Variants in TNRC6C observed in about 807,000 individuals in gnomAD.
The protein encoded by TNRC6C is trinucleotide repeat-containing gene 6C protein.
A neutral mutation model predicts 153.7 loss-of-function variants in TNRC6C; 20 were observed. The ratio of observed to expected loss-of-function variants is 0.13; its 90% confidence interval spans 0.09 to 0.19. TNRC6C has a LOEUF of 0.19. TNRC6C is among the 10% of genes least tolerant of loss of function. TNRC6C has a pLI of 1.00. For synonymous variants in TNRC6C, 811 were observed against 841.4 expected, an observed-to-expected ratio of 0.96 and a Z score of 0.63; for missense variants, 1,987 against 2,172.0, an observed-to-expected ratio of 0.91 and a Z score of 1.69.
intron 1 of TNRC6C, among the ~76,000 whole-genome samples, chr17:77,959,501 A>G (rs375858170): frequency 2.0e-5 from 3 of 152,118 alleles, no homozygotes; most frequent in South Asian, 2.1e-4. Context: ...GTGCATCACA[A>G]TCAAACGGGA....
rs2070947085 is a variant in TNRC6C, at chr17:77,972,480, C to G, written c.-38+13212C>G. 2.0e-5 allele frequency among the ~76,000 whole-genome samples: 3 copies of G among 151,058 alleles called. No individual in the cohort carries two copies. In the South Asian group the frequency reaches 6.3e-4, roughly 32 times the overall value. On this transcript the variant is annotated intron_variant, in intron 1 of 22. Transcript: ENST00000636222. ...TGAGCCCAGATGGCGCCACTGCACT[C>G]CAGCCTGGAAGACAGAGCAAGACTC...
intron 1 of TNRC6C, among the ~76,000 whole-genome samples, chr17:78,023,800 C>T (rs1251334593): frequency 1.3e-5 from 2 of 149,410 alleles, no homozygotes; most frequent in East Asian, 2.0e-4. Flanking sequence ...AAGTGAGACC[C>T]TGTCTCAAAA....
At chr17:78,057,196 A>G (rs1402715173) in intron 3 of TNRC6C, among the ~76,000 whole-genome samples, 1 of 152,190 alleles carries the variant, frequency 6.6e-6, no homozygotes, top group East Asian at 1.9e-4. Flanking sequence ...TTTTTCATTT[A>G]TAACATTAAT....
intron 1 of TNRC6C, among the ~76,000 whole-genome samples, chr17:77,974,040 AG>A (rs1255593362): frequency 1.1e-5 from 1 of 89,266 alleles, no homozygotes; most frequent in Non-Finnish European, 2.0e-5. Context: ...ACCTGGAGAG[AG>A]GGAGGGAGGG....
intron 1 of TNRC6C, among the ~76,000 whole-genome samples, chr17:78,021,904 A>G (rs993284152): frequency 2.0e-5 from 3 of 152,234 alleles, no homozygotes; most frequent in Admixed American, 6.5e-5. Flanking sequence ...AAATAAAACA[A>G]TACCTACATA....
intron 4 of TNRC6C, among the ~76,000 whole-genome samples, chr17:78,065,174 C>T (rs779630162): frequency 1.3e-5 from 2 of 151,918 alleles, no homozygotes; most frequent in Non-Finnish European, 2.9e-5. Flanking sequence ...CATAGTGAGA[C>T]CTTGTCACTA....
intron 3 of TNRC6C, among the ~76,000 whole-genome samples, chr17:78,054,038 A>G (rs1239880758): frequency 6.6e-6 from 1 of 152,224 alleles, no homozygotes; most frequent in Non-Finnish European, 1.5e-5. Flanking sequence ...CACCTAGGCT[A>G]TACGGTACAG....
At position 78,075,404 on chromosome 17, in the gene TNRC6C, A is replaced by AT. The variant is rs201778814; in HGVS notation, c.3060+133dup. ...TATAATACTTAAGTGACTTTTATCCATTTTTTTCTAACATTATGAACATTT... is the reference window on the plus strand; with the variant it reads ...TATAATACTTAAGTGACTTTTATCCATTTTTTTTCTAACATTATGAACATTT... On this transcript the variant is annotated intron_variant, in intron 8 of 19. Coordinates refer to ENST00000301624, the Ensembl canonical transcript of TNRC6C. The surrounding 1 kb of genome is among the most constrained non-coding windows in gnomAD (Gnocchi z 4.2). 1.3e-3 allele frequency: 1,443 copies of AT among 1,135,218 alleles called. 13 individuals carry two copies. In the African/African-American group the frequency reaches 0.021, roughly 16 times the overall value. The allele number at this position is 1,135,218 out of a possible 1,614,324, so 70.3% of individuals were successfully genotyped here.
At chr17:78,047,251 T>A (rs1449473882) in intron 2 of TNRC6C, among the ~76,000 whole-genome samples, 2 of 152,232 alleles carry the variant, frequency 1.3e-5, no homozygotes, top group African/African-American at 2.4e-5. Context: ...AGTTAGTTAT[T>A]ATATTAGATA....
chr17:77,985,811 A>G (rs2071158444), intron 1 of TNRC6C, among the ~76,000 whole-genome samples: 2 of 152,168 alleles, frequency 1.3e-5, no homozygotes, highest in African/African-American at 4.8e-5. Flanking sequence ...TGTTTGATTA[A>G]CTAGGGGAAG....
chr17:77,965,038 A>G (rs1262139121), intron 1 of TNRC6C, among the ~76,000 whole-genome samples: 2 of 152,212 alleles, frequency 1.3e-5, no homozygotes, highest in Non-Finnish European at 2.9e-5. Flanking sequence ...ATCTCCATTT[A>G]AAACTAATCT....
chr17:77,992,862 G>C (rs2071272845), intron 1 of TNRC6C, among the ~76,000 whole-genome samples: 1 of 152,170 alleles, frequency 6.6e-6, no homozygotes. Context: ...GAATCAAATA[G>C]TAAAATAACG....
At chr17:77,967,416 G>A (rs1204258121) in intron 1 of TNRC6C, among the ~76,000 whole-genome samples, 2 of 152,094 alleles carry the variant, frequency 1.3e-5, no homozygotes, top group African/African-American at 2.4e-5. Flanking sequence ...GGGGAGAGAA[G>A]ATTGATAATT....
At chr17:78,076,908 C>T (rs560753365) in intron 8 of TNRC6C, among the ~76,000 whole-genome samples, 26 of 152,300 alleles carry the variant, frequency 1.7e-4, no homozygotes, top group Admixed American at 1.4e-3. Context: ...ATCCTTCCTC[C>T]GTGCTCCTAC....
chr17:78,076,466 T>TA (rs1419012947), intron 8 of TNRC6C, among the ~76,000 whole-genome samples: 1 of 152,208 alleles, frequency 6.6e-6, no homozygotes, highest in Non-Finnish European at 1.5e-5. Flanking sequence ...TTTAAACTGA[T>TA]AAAATTACTG....
At chr17:77,977,227 C>T (rs1193850210) in intron 1 of TNRC6C, among the ~76,000 whole-genome samples, 7 of 151,926 alleles carry the variant, frequency 4.6e-5, no homozygotes, top group African/African-American at 1.5e-4. Context: ...TTGATTTATA[C>T]ATATGTATTT....
chr17:78,099,219 G>A (rs1004088107), intron 17 of TNRC6C, among the ~76,000 whole-genome samples: 4 of 152,204 alleles, frequency 2.6e-5, no homozygotes, highest in Non-Finnish European at 1.5e-5. Context: ...GAGACAGGAG[G>A]ATGGCTCAAG....
intron 15 of TNRC6C, chr17:78,093,377 C>A: frequency 1.5e-6 from 1 of 662,532 alleles, no homozygotes; most frequent in Non-Finnish European, 2.5e-6. Flanking sequence ...GCACACTGCA[C>A]ACTATCCGGT....
chr17:77,994,021 C>T (rs990463948), intron 1 of TNRC6C, among the ~76,000 whole-genome samples: 4 of 151,790 alleles, frequency 2.6e-5, no homozygotes, highest in East Asian at 3.9e-4. Flanking sequence ...GGTGAAACCC[C>T]GTCTCTACTG....
Sources: allele counts gnomAD v4.1 joint callset (sites outside exome capture counted in the v4.1 genomes callset), GRCh38; gene constraint gnomAD v4.1.1; non-coding constraint Gnocchi (gnomAD v3.1); transcripts MANE v1.5; gene names NCBI Gene and HGNC (gene_info 2026-07-23, HGNC 2026-07-21).